PDXK: variants seen among roughly 807,000 people sequenced by gnomAD.
The protein encoded by PDXK is epididymis secretory sperm binding protein Li 1a.
A neutral mutation model predicts 43.2 loss-of-function variants in PDXK; 15 were observed. The ratio of observed to expected loss-of-function variants is 0.35; its 90% confidence interval spans 0.23 to 0.53. The LOEUF (loss-of-function observed/expected upper bound fraction) is 0.53. PDXK is among the 20% of genes least tolerant of loss of function. The pLI is 0.92. For synonymous variants in PDXK, 172 were observed against 165.4 expected, an observed-to-expected ratio of 1.04 and a Z score of -0.31; for missense variants, 343 against 417.0, an observed-to-expected ratio of 0.82 and a Z score of 1.54.
rs148075959 is a variant in PDXK, at chr21:43,761,504, G to A, written c.*5441G>A. ...CTTGGGGATCCCCCACACGACCTGG[G>A]TACTGCCTGGGAAACCTGTCCTAAG... is the stretch of plus-strand genomic sequence containing the variant. On this transcript the variant is annotated 3_prime_UTR_variant, in exon 11 of 11. Transcript: ENST00000291565. 2.6e-5 allele frequency: 4 copies of A among 156,200 alleles called. No individual in the cohort carries two copies. The highest frequency in any genetic ancestry group is 6.5e-5 in the Admixed American group (1 of 15,290). The allele number at this position is 156,200 out of a possible 1,614,324, so 9.7% of individuals were successfully genotyped here. A position where few individuals can be genotyped will look rare whatever the true frequency, so the allele number is the denominator to read the frequency against.
chr21:43,727,568 A>G (rs2083267110), intron 1 of PDXK, among the ~76,000 whole-genome samples: 1 of 152,180 alleles, frequency 6.6e-6, no homozygotes, highest in South Asian at 2.1e-4. Flanking sequence ...TACCTGTGAC[A>G]GTCACCAAGC....
At chr21:43,749,493 C>G (rs555746718) in intron 6 of PDXK, among the ~76,000 whole-genome samples, 1 of 152,256 alleles carries the variant, frequency 6.6e-6, no homozygotes, top group Admixed American at 6.5e-5. Flanking sequence ...ACTCTGCCTT[C>G]GGGCTGCCTG....
chr21:43,753,276 G>A (rs1457051153), intron 8 of PDXK, among the ~76,000 whole-genome samples: 1 of 152,102 alleles, frequency 6.6e-6, no homozygotes, highest in Admixed American at 6.5e-5. Flanking sequence ...GCACACACAT[G>A]CACACACACT....
intron 1 of PDXK, among the ~76,000 whole-genome samples, chr21:43,731,878 A>T (rs2083322937): frequency 6.6e-6 from 1 of 152,244 alleles, no homozygotes; most frequent in South Asian, 2.1e-4. Context: ...CCCTGCCAGC[A>T]TTGGCTCCAC....
At chr21:43,739,095 G>A (rs554519435) in intron 2 of PDXK, among the ~76,000 whole-genome samples, 6 of 152,012 alleles carry the variant, frequency 3.9e-5, no homozygotes, top group African/African-American at 9.7e-5. Flanking sequence ...AACCACGCCC[G>A]GCTAATTTTT....
chr21:43,729,453 G>C (rs900747772), intron 1 of PDXK, among the ~76,000 whole-genome samples: 1 of 152,218 alleles, frequency 6.6e-6, no homozygotes, highest in African/African-American at 2.4e-5. Flanking sequence ...AAGGTGCCCG[G>C]GGTTCTGCAG....
At chr21:43,745,980 G>A in intron 4 of PDXK, 99 bp from the exon 5 acceptor site, 1 of 966,446 alleles carries the variant, frequency 1.0e-6, no homozygotes, top group South Asian at 1.3e-5. Context: ...CTGGACAACA[G>A]AGCAAGACCC....
At chr21:43,729,448 G>A (rs1277133096) in intron 1 of PDXK, among the ~76,000 whole-genome samples, 1 of 152,228 alleles carries the variant, frequency 6.6e-6, no homozygotes, top group Non-Finnish European at 1.5e-5. Flanking sequence ...TTCAGAAGGT[G>A]CCCGGGGTTC....
At chr21:43,744,183 G>T (rs1036944000) in intron 4 of PDXK, among the ~76,000 whole-genome samples, 5 of 151,894 alleles carry the variant, frequency 3.3e-5, no homozygotes, top group African/African-American at 1.2e-4. Context: ...CTAGGGAGTG[G>T]GGGAGGGCAG....
intron 2 of PDXK, among the ~76,000 whole-genome samples, chr21:43,739,841 C>G (rs2083463236): frequency 6.6e-6 from 1 of 151,764 alleles, no homozygotes; most frequent in Non-Finnish European, 1.5e-5. Context: ...ATATCAAAAT[C>G]CGAGGGCAGA....
chr21:43,749,958 C>T (rs1163880144), intron 6 of PDXK, among the ~76,000 whole-genome samples: 3 of 152,086 alleles, frequency 2.0e-5, no homozygotes, highest in African/African-American at 7.2e-5. Flanking sequence ...AGTGGAGCTG[C>T]CCGCGGAGGG....
rs572135247 is a variant in PDXK, at chr21:43,760,943, C to G, written c.*4880C>G. 1 of 152,220 alleles carries G rather than the reference C, an allele frequency of 6.6e-6. No individual in the cohort carries two copies. Among genetic ancestry groups the G allele is most frequent in the Non-Finnish European group, 1.5e-5 (1 of 68,044 alleles). The allele number at this position is 152,220 out of a possible 1,614,324, so 9.4% of individuals were successfully genotyped here. A position where few individuals can be genotyped will look rare whatever the true frequency, so the allele number is the denominator to read the frequency against. ...CACAAAGACACTGGTTTTCAATCGG[C>G]GTCTAAAACCACGTTCCTGCCTTTC... On this transcript the variant is annotated 3_prime_UTR_variant, in exon 11 of 11. Coordinates refer to ENST00000291565, the MANE Select transcript of PDXK (RefSeq NM_003681.5).
chr21:43,742,495 T>C (rs986890860), intron 3 of PDXK, among the ~76,000 whole-genome samples: 3 of 151,874 alleles, frequency 2.0e-5, no homozygotes, highest in African/African-American at 7.3e-5. Flanking sequence ...TTTCTACACT[T>C]TTAAATGGTT....
intron 5 of PDXK, among the ~76,000 whole-genome samples, chr21:43,747,671 G>T (rs934662496): frequency 2.0e-5 from 3 of 152,150 alleles, no homozygotes; most frequent in Non-Finnish European, 4.4e-5. Flanking sequence ...GCTGACCCTC[G>T]GCAGACACTT....
At chr21:43,742,559 G>A (rs937948347) in intron 3 of PDXK, among the ~76,000 whole-genome samples, 3 of 152,070 alleles carry the variant, frequency 2.0e-5, no homozygotes, top group South Asian at 2.1e-4. Flanking sequence ...GAGCCACTGC[G>A]CCCAGCCTCT....
At chr21:43,733,601 T>C in intron 1 of PDXK, 1 of 1,030,878 alleles carries the variant, frequency 9.7e-7, no homozygotes, top group East Asian at 8.9e-5. Flanking sequence ...GCATGTGTGC[T>C]GCCCGCGGAG....
chr21:43,746,220 G>A (rs1162992396), intron 5 of PDXK, 95 bp downstream of exon 5: 38 of 977,614 alleles, frequency 3.9e-5, no homozygotes, highest in East Asian at 7.2e-5. Flanking sequence ...TGTCTAACTC[G>A]GTGGGACTCC....
chr21:43,719,257 C>A lies in PDXK; in HGVS notation c.-38C>A. ...CCCGAGCGAGCGGCGGAGACCGTGC[C>A]CCCGCCTCGGCCCCGCGCCGCCGCG... On this transcript the variant is annotated 5_prime_UTR_variant, in exon 1 of 11. Transcript: ENST00000291565. 7.9e-7 allele frequency: 1 copy of A among 1,270,778 alleles called. No homozygotes were observed. Among genetic ancestry groups the A allele is most frequent in the Non-Finnish European group, 1.0e-6 (1 of 969,690 alleles). 78.7% of individuals were successfully genotyped at this position (1,270,778 alleles called of 1,614,324 possible).
At chr21:43,752,129 G>A (rs1298547042) in intron 7 of PDXK, among the ~76,000 whole-genome samples, 4 of 152,192 alleles carry the variant, frequency 2.6e-5, no homozygotes, top group East Asian at 1.9e-4. Context: ...GTGTGTGTGC[G>A]CGCGCGTGCT....
Sources: gnomAD v4.1 joint callset for allele counts (sites outside exome capture counted in the v4.1 genomes callset) on GRCh38, gnomAD v4.1.1 for gene constraint, MANE v1.5 for transcripts, NCBI Gene and HGNC (gene_info 2026-07-23, HGNC 2026-07-21) for gene names.